ADGRG7: variants seen among roughly 807,000 people sequenced by gnomAD.
The protein encoded by ADGRG7 is G-protein coupled receptor 128.
In ADGRG7, 82 loss-of-function variants were observed where a neutral mutation model predicts 88.6. The ratio of observed to expected loss-of-function variants is 0.93; its 90% CI spans 0.77 to 1.11. The LOEUF (loss-of-function observed/expected upper bound fraction) is 1.11. ADGRG7 is among the 50% of genes most tolerant of loss of function. The pLI, the probability that ADGRG7 is intolerant of heterozygous loss-of-function variation, is 0.00. For missense variants in ADGRG7, 945 were observed against 953.4 expected (o/e 0.99, Z 0.12); for synonymous variants, 381 against 345.2 (o/e 1.10, Z -1.15).
chr3:100,659,439 CAAAAAAAAAAAA>C (rs373835556), intron 13 of ADGRG7, among the ~76,000 whole-genome samples: 3 of 80,904 alleles, frequency 3.7e-5, no homozygotes, highest in Non-Finnish European at 6.1e-5. Flanking sequence ...GACTCAGTCT[CAAAAAAAAAAAA>C]AAAAAAAAAA....
intron 15 of ADGRG7, among the ~76,000 whole-genome samples, chr3:100,677,694 T>C (rs2094967296): frequency 1.3e-5 from 2 of 152,174 alleles, no homozygotes; most frequent in South Asian, 4.1e-4. Flanking sequence ...TCACCAGATA[T>C]GCTATTTTAG....
rs143625528 is a variant in ADGRG7 at position 100,637,924 on chromosome 3, C to T, written c.698+522C>T. ...TCAGCCCACCCCACTCAACCCCTTG[C>T]GGGAGGGAATGTGTAGATGAGCAAG... is the stretch of plus-strand genomic sequence containing the variant. On this transcript the variant is annotated intron_variant, in intron 6 of 15. Coordinates refer to ENST00000273352, the MANE Select transcript of ADGRG7 (RefSeq NM_032787.3). Among the ~76,000 whole-genome samples the T allele has an allele frequency of 1.9e-3, 287 of 152,328 alleles. 2 individuals carry two copies. Among genetic ancestry groups the T allele is most frequent in the African/African-American group, 6.4e-3 (264 of 41,574 alleles).
At chr3:100,617,357 C>T (rs1208012102) in intron 1 of ADGRG7, among the ~76,000 whole-genome samples, 2 of 150,682 alleles carry the variant, frequency 1.3e-5, no homozygotes, top group Non-Finnish European at 3.0e-5. Context: ...TCTCCTAATG[C>T]TATCCCTTCC....
chr3:100,630,736 T>A lies in ADGRG7; in HGVS notation c.261T>A (p.Gly87=). 1 of 1,468,814 alleles carries A rather than the reference T, an allele frequency of 6.8e-7. No homozygotes were observed. The highest frequency in any genetic ancestry group is 1.5e-5 in the African/African-American group (1 of 68,912). 91.0% of individuals were successfully genotyped at this position (1,468,814 alleles called of 1,614,324 possible). ...TTTGTGAAAATAGTACCTATATGGG[T>A]TTTACTTTTGCCAGAATCCCAGTGG... ...ANFCENSTYM[G]FTFARIPVGR... The change falls in exon 3 of 16, where the codon GGT becomes GGA. Residue 87 remains glycine (G), a synonymous_variant. Transcript: ENST00000273352.
chr3:100,622,669 C>T (rs554800000), intron 1 of ADGRG7, among the ~76,000 whole-genome samples: 10 of 152,298 alleles, frequency 6.6e-5, no homozygotes, highest in Non-Finnish European at 4.4e-5. Flanking sequence ...ATTAGATTTA[C>T]AACTCTAATT....
At position 100,633,285 on chromosome 3, in the gene ADGRG7, C is replaced by A; in HGVS notation, c.355C>A (p.Arg119=). The A allele has an allele frequency of 6.7e-7, 1 of 1,489,850 alleles. No homozygotes were observed. The highest frequency in any genetic ancestry group is 9.0e-7 in the Non-Finnish European group (1 of 1,117,016). The allele number at this position is 1,489,850 out of a possible 1,614,324, so 92.3% of individuals were successfully genotyped here. The change falls in exon 4 of 16, where the codon CGG becomes AGG. Residue 119 remains arginine (R), a synonymous_variant. Coordinates refer to ENST00000273352, the MANE Select transcript of ADGRG7 (RefSeq NM_032787.3). ...TAAAGCGGGCAATCCAATGGCAGTC[C>A]GGTTGTGCAGTCTCTCTCTATATGG... The part of the protein sequence containing the change: ...TPNAGNPMAV[R]LCSLSLYGEI...
At chr3:100,644,648 C>A (rs1397718444) in intron 8 of ADGRG7, among the ~76,000 whole-genome samples, 1 of 151,732 alleles carries the variant, frequency 6.6e-6, no homozygotes, top group East Asian at 1.9e-4. Flanking sequence ...CAGCCTCAGC[C>A]TCCCAAGTAG....
chr3:100,623,526 C>A (rs1212414842), intron 1 of ADGRG7, among the ~76,000 whole-genome samples: 1 of 151,896 alleles, frequency 6.6e-6, no homozygotes, highest in Non-Finnish European at 1.5e-5. Context: ...GTTCTTTTTT[C>A]CAATTTTTAA....
At chr3:100,661,255 G>A (rs190923706) in intron 14 of ADGRG7, among the ~76,000 whole-genome samples, 59 of 152,288 alleles carry the variant, frequency 3.9e-4, no homozygotes, top group African/African-American at 1.4e-3. Context: ...GAGACTATGA[G>A]TTCAGATTTA....
chr3:100,684,336 T>C (rs1242158126), intron 15 of ADGRG7, among the ~76,000 whole-genome samples: 1 of 151,764 alleles, frequency 6.6e-6, no homozygotes, highest in Non-Finnish European at 1.5e-5. Context: ...CAATCACAGC[T>C]CACTGCAGCC....
At chr3:100,630,849 TA>T in intron 3 of ADGRG7, 40 bp downstream of exon 3, 1 of 1,136,004 alleles carries the variant, frequency 8.8e-7, no homozygotes, top group Non-Finnish European at 1.2e-6. Context: ...GCATAAGAAT[TA>T]CTATGCTGAG....
At chr3:100,683,642 G>T (rs1340010833) in intron 15 of ADGRG7, among the ~76,000 whole-genome samples, 1 of 152,214 alleles carries the variant, frequency 6.6e-6, no homozygotes, top group Non-Finnish European at 1.5e-5. Flanking sequence ...TGGGATCCAG[G>T]TCGGTAGCTA....
chr3:100,628,619 G>T (rs144221805), intron 1 of ADGRG7, among the ~76,000 whole-genome samples: 207 of 152,246 alleles, frequency 1.4e-3, no homozygotes, highest in Admixed American at 3.9e-3. Flanking sequence ...GCCTCCCAAA[G>T]TGTTGGGATT....
At chr3:100,659,234 C>T (rs2094941764) in intron 13 of ADGRG7, among the ~76,000 whole-genome samples, 1 of 151,636 alleles carries the variant, frequency 6.6e-6, no homozygotes, top group Non-Finnish European at 1.5e-5. Context: ...AGATCGAGAC[C>T]ATCCTGGCTA....
intron 15 of ADGRG7, among the ~76,000 whole-genome samples, chr3:100,688,840 G>A (rs1304305374): frequency 4.6e-5 from 7 of 152,128 alleles, no homozygotes; most frequent in African/African-American, 9.7e-5. Context: ...GTGCTGAAAA[G>A]AATGTATATT....
rs143087450 is a variant in ADGRG7, at chr3:100,692,590, G to C, written c.2137-2154G>C. 5.0e-3 allele frequency among the ~76,000 whole-genome samples: 754 copies of C among 152,222 alleles called. 3 individuals are homozygous for C. Among genetic ancestry groups the C allele is most frequent in the African/African-American group, 0.017 (723 of 41,532 alleles). Reference sequence around the variant, plus strand: ...TTACAACATGGTAAAATTGAGTATCGCAATGTGGCAAGGACATGGAGCTAA... The same window carrying C: ...TTACAACATGGTAAAATTGAGTATCCCAATGTGGCAAGGACATGGAGCTAA... On this transcript the variant is annotated intron_variant, in intron 15 of 15. Coordinates refer to ENST00000273352, the MANE Select transcript of ADGRG7 (RefSeq NM_032787.3).
At chr3:100,671,319 T>A (rs919839618) in intron 15 of ADGRG7, among the ~76,000 whole-genome samples, 6 of 152,252 alleles carry the variant, frequency 3.9e-5, no homozygotes, top group Admixed American at 6.5e-5. Context: ...GAGCTTTTTT[T>A]AAATATGTTT....
At chr3:100,661,602 C>G (rs1348151981) in intron 14 of ADGRG7, among the ~76,000 whole-genome samples, 1 of 152,066 alleles carries the variant, frequency 6.6e-6, no homozygotes, top group African/African-American at 2.4e-5. Context: ...TGTTTCAAGC[C>G]TCCTGAATGA....
intron 6 of ADGRG7, among the ~76,000 whole-genome samples, chr3:100,641,504 C>G (rs1471375): frequency 6.6e-5 from 10 of 151,984 alleles, no homozygotes; most frequent in African/African-American, 2.4e-4. Context: ...ATAGATCAGT[C>G]ATTAGAAAGG....
Sources: gnomAD v4.1 joint callset for allele counts (sites outside exome capture counted in the v4.1 genomes callset) on GRCh38, gnomAD v4.1.1 for gene constraint, MANE v1.5 for transcripts, NCBI Gene and HGNC (gene_info 2026-07-23, HGNC 2026-07-21) for gene names.